MAN2A1: variants seen among roughly 807,000 people sequenced by gnomAD.
The protein encoded by MAN2A1 is mannosidase alpha class 2A member 1, also known as alpha-mannosidase 2.
A neutral mutation model predicts 142.6 loss-of-function variants in MAN2A1; 76 were observed. The observed-to-expected ratio is 0.53, with a 90% CI of 0.44 to 0.65. The LOEUF (loss-of-function observed/expected upper bound fraction) is 0.65, where lower values mean the gene tolerates loss of function less well. Ranked by LOEUF, MAN2A1 falls within the 30% of genes least tolerant of loss-of-function variation. MAN2A1 has a pLI of 0.00. For synonymous variants in MAN2A1, 559 were observed against 473.2 expected (o/e 1.18, Z -2.35); for missense variants, 1,311 against 1,365.1 (o/e 0.96, Z 0.62).
intron 20 of MAN2A1, among the ~76,000 whole-genome samples, chr5:109,861,777 G>C (rs1407197017): frequency 6.6e-6 from 1 of 152,096 alleles, no homozygotes; most frequent in Non-Finnish European, 1.5e-5. Flanking sequence ...AGAAGGGAGA[G>C]GGAGCACTGA....
intron 7 of MAN2A1, 64 bp downstream of exon 7, chr5:109,770,605 C>A: frequency 6.9e-7 from 1 of 1,453,900 alleles, no homozygotes; most frequent in Admixed American, 1.8e-5. Flanking sequence ...CTGCTAGTTG[C>A]TGAAGGGTTG....
chr5:109,771,771 G>A lies in MAN2A1; in HGVS notation c.1196+1230G>A, dbSNP rs565827944. On this transcript the variant is annotated intron_variant, in intron 7 of 21. Coordinates refer to ENST00000261483, the MANE Select transcript of MAN2A1 (RefSeq NM_002372.4). ...GGCAAATAGCTGTTTATATTTACAGGTATTTACACTACTCTCTGCTCAGGT... is the reference window on the plus strand; with the variant it reads ...GGCAAATAGCTGTTTATATTTACAGATATTTACACTACTCTCTGCTCAGGT... Among the ~76,000 whole-genome samples the A allele has an allele frequency of 1.2e-4, 19 of 152,216 alleles. No individual in the cohort carries two copies. In the East Asian group the frequency reaches 3.5e-3, roughly 28 times the overall value.
intron 21 of MAN2A1, among the ~76,000 whole-genome samples, 153 bp from the exon 22 acceptor site, chr5:109,866,693 A>G (rs2217639): frequency 0.38 from 58,092 of 151,908 alleles, 11,768 homozygotes; most frequent in African/African-American, 0.53. Context: ...ATTTAATAAC[A>G]TATATGTATA....
intron 12 of MAN2A1, among the ~76,000 whole-genome samples, chr5:109,796,740 T>C (rs866904643): frequency 1.3e-5 from 2 of 152,190 alleles, no homozygotes; most frequent in Admixed American, 1.3e-4. Flanking sequence ...TGAATACCAA[T>C]CAGGCACAGC....
intron 1 of MAN2A1, among the ~76,000 whole-genome samples, chr5:109,691,141 T>G (rs939631980): frequency 6.6e-6 from 1 of 152,152 alleles, no homozygotes; most frequent in African/African-American, 2.4e-5. Flanking sequence ...ATCTGGTTTG[T>G]TTGTGGCAGA....
In MAN2A1 at chr5:109,767,558, G is replaced by A. The variant is rs775436901; in HGVS notation, c.859G>A (p.Ala287Thr). 5.6e-6 allele frequency: 9 copies of A among 1,612,870 alleles called. No individual in the cohort carries two copies. Among genetic ancestry groups the A allele is most frequent in the Non-Finnish European group, 7.6e-6 (9 of 1,179,484 alleles). The change falls in exon 6 of 22, where the codon GCT (alanine) becomes ACT (threonine). Residue 287 changes from alanine to threonine, a missense_variant. By Grantham distance (58) the Ala-to-Thr change is moderately conservative. Coordinates refer to ENST00000261483, the MANE Select transcript of MAN2A1 (RefSeq NM_002372.4). ...NIGVKPRSGW[A>T]IDPFGHSPTM... ...AGGAGTGAAACCTCGGTCCGGCTGG[G>A]CTATTGATCCCTTTGGACACTCACC...
intron 10 of MAN2A1, among the ~76,000 whole-genome samples, chr5:109,787,994 T>C (rs1309025290): frequency 6.6e-6 from 1 of 151,864 alleles, no homozygotes; most frequent in East Asian, 1.9e-4. Flanking sequence ...GAAGGAAATA[T>C]TAATGCTCTG....
chr5:109,702,272 TAA>T (rs1751003571), intron 1 of MAN2A1, among the ~76,000 whole-genome samples: 2 of 151,934 alleles, frequency 1.3e-5, no homozygotes, highest in Admixed American at 1.3e-4. Flanking sequence ...GCACAAATGA[TAA>T]GACTAAATTA....
At chr5:109,696,785 C>G (rs1183705172) in intron 1 of MAN2A1, among the ~76,000 whole-genome samples, 6 of 152,166 alleles carry the variant, frequency 3.9e-5, no homozygotes, top group African/African-American at 1.4e-4. Flanking sequence ...GTTAGCACTT[C>G]TGTGTTTTAG....
intron 10 of MAN2A1, among the ~76,000 whole-genome samples, chr5:109,785,893 C>G (rs147121776): frequency 6.6e-6 from 1 of 152,120 alleles, no homozygotes; most frequent in East Asian, 1.9e-4. Context: ...ATCCTTAGTA[C>G]TACTCCTTGA....
In MAN2A1 at chr5:109,820,261, T is replaced by C. The variant is rs774765857; in HGVS notation, c.2370T>C (p.Asn790=). ...AAGATGGTAAACACCATGAAGTAAATGTGCAATTTTCATGGTATGGAACCA... is the reference window on the plus strand; with the variant it reads ...AAGATGGTAAACACCATGAAGTAAACGTGCAATTTTCATGGTATGGAACCA... ...TKEDGKHHEV[N]VQFSWYGTTI... The change falls in exon 15 of 22, where the codon AAT becomes AAC. Residue 790 remains asparagine, a synonymous_variant. Transcript: ENST00000261483. 17 of 1,609,908 alleles carry C rather than the reference T, an allele frequency of 1.1e-5. No homozygotes were observed. The South Asian group carries it at 1.8e-4, about 17-fold the overall frequency.
At chr5:109,824,557 A>G (rs970102787) in intron 16 of MAN2A1, among the ~76,000 whole-genome samples, 2 of 152,188 alleles carry the variant, frequency 1.3e-5, no homozygotes, top group Non-Finnish European at 2.9e-5. Flanking sequence ...TATTTACCAT[A>G]TTATCAACAC....
chr5:109,709,466 A>G (rs565363375), intron 1 of MAN2A1, among the ~76,000 whole-genome samples: 18 of 152,316 alleles, frequency 1.2e-4, no homozygotes, highest in Admixed American at 7.2e-4. Flanking sequence ...GGAAAGGCAC[A>G]CAGTTTTCCA....
At chr5:109,730,103 ATAG>A (rs2112584862) in intron 4 of MAN2A1, among the ~76,000 whole-genome samples, 1 of 152,288 alleles carries the variant, frequency 6.6e-6, no homozygotes, top group Admixed American at 6.5e-5. Context: ...TGACACCTGT[ATAG>A]TTTGTTTCAA....
intron 21 of MAN2A1, among the ~76,000 whole-genome samples, chr5:109,865,658 T>G (rs1291830949): frequency 6.6e-6 from 1 of 152,234 alleles, no homozygotes; most frequent in Non-Finnish European, 1.5e-5. Context: ...TTGTTTTCCC[T>G]TGGGAAATAA....
chr5:109,759,960 TATATAGATAGATAGATAG>T (rs1216222778), intron 5 of MAN2A1, among the ~76,000 whole-genome samples: 10 of 35,996 alleles, frequency 2.8e-4, no homozygotes, highest in African/African-American at 1.4e-3. Context: ...TATATATATA[TATATAGATAGATAGATAG>T]ATAGATAGAT....
intron 12 of MAN2A1, among the ~76,000 whole-genome samples, chr5:109,801,758 A>G (rs967384071): frequency 6.6e-6 from 1 of 152,190 alleles, no homozygotes; most frequent in African/African-American, 2.4e-5. Context: ...CTCAAGACTT[A>G]TCAGTTAGGA....
intron 3 of MAN2A1, among the ~76,000 whole-genome samples, chr5:109,727,941 A>G (rs1183502480): frequency 6.6e-6 from 1 of 152,058 alleles, no homozygotes; most frequent in Non-Finnish European, 1.5e-5. Context: ...TTTTAAAAAT[A>G]GACACAGTTT....
Position 109,716,152 on chromosome 5 carries a change from C to T in MAN2A1, c.423C>T (p.Asp141=), listed in dbSNP as rs776617189. Residue 141 remains aspartate, a synonymous_variant, in exon 3 of 22, where the codon GAC becomes GAT. Coordinates refer to ENST00000261483, the MANE Select transcript of MAN2A1 (RefSeq NM_002372.4). ...MLDVYSLISF[D]NPDGGVWKQG... is the part of the protein sequence containing the mutation. ...ATGTTTACAGTCTAATTTCTTTTGA[C>T]AATCCAGATGGTGGAGTTTGGAAGC... The T allele has an allele frequency of 6.8e-6, 11 of 1,610,890 alleles. No homozygotes were observed. The South Asian group carries it at 1.1e-4, about 16-fold the overall frequency.
Sources: allele counts gnomAD v4.1 joint callset (sites outside exome capture counted in the v4.1 genomes callset), GRCh38; gene constraint gnomAD v4.1.1; transcripts MANE v1.5; gene names NCBI Gene and HGNC (gene_info 2026-07-23, HGNC 2026-07-21).